OR3A3: variants seen among roughly 807,000 people sequenced by gnomAD.
OR3A3 encodes the protein olfactory receptor family 3 subfamily A member 3, also known as olfactory receptor 3A3.
For missense variants in OR3A3, 275 were observed against 391.4 expected, an observed-to-expected ratio of 0.70 and a Z score of 2.51; for synonymous variants, 103 against 163.9, an observed-to-expected ratio of 0.63 and a Z score of 2.84.
intron 2 of OR3A3, among the ~76,000 whole-genome samples, chr17:3,412,867 T>C (rs2640070): frequency 1.3e-5 from 2 of 152,286 alleles, no homozygotes; most frequent in African/African-American, 4.8e-5. Flanking sequence ...GCACCCTGCA[T>C]TTAACCTGTA....
At chr17:3,415,983 T>G (rs1439525151) in intron 2 of OR3A3, among the ~76,000 whole-genome samples, 1 of 151,852 alleles carries the variant, frequency 6.6e-6, no homozygotes, top group Admixed American at 6.6e-5. Flanking sequence ...GGCTAATTTT[T>G]GTATTTTTGA....
chr17:3,418,848 TA>T (rs1335865777), intron 2 of OR3A3, among the ~76,000 whole-genome samples: 13 of 152,322 alleles, frequency 8.5e-5, no homozygotes, highest in South Asian at 6.2e-4. Flanking sequence ...AAGACATTGA[TA>T]TTTTTTTGAT....
chr17:3,420,319 T>C (rs1420996990), intron 2 of OR3A3, among the ~76,000 whole-genome samples: 1 of 152,216 alleles, frequency 6.6e-6, no homozygotes, highest in East Asian at 1.9e-4. Flanking sequence ...TTATTAACTA[T>C]AATCCTCATG....
chr17:3,419,910 C>T (rs1009549114), intron 2 of OR3A3, among the ~76,000 whole-genome samples: 4 of 151,814 alleles, frequency 2.6e-5, no homozygotes, highest in East Asian at 1.9e-4. Context: ...GGACTACAGG[C>T]GCCTGCCACC....
chr17:3,414,523 G>A (rs543249218), intron 2 of OR3A3, among the ~76,000 whole-genome samples: 1 of 152,332 alleles, frequency 6.6e-6, no homozygotes, highest in African/African-American at 2.4e-5. Flanking sequence ...GGAAGGTAGT[G>A]TGAATTCTCC....
At chr17:3,420,779 T>C (rs1347610072) in exon 3 of OR3A3, 1 of 1,320,224 alleles carries the variant, frequency 7.6e-7, no homozygotes, top group East Asian at 2.5e-5. Flanking sequence ...ATGTACTTCT[T>C]CCTGGGGAAC....
At chr17:3,424,064 A>AT (rs1201141259) in exon 3 of OR3A3, 1 of 151,864 alleles carries the variant, frequency 6.6e-6, no homozygotes, top group Non-Finnish European at 1.5e-5. Flanking sequence ...CTGCTTTATG[A>AT]TTTTCCCTAC....
intron 2 of OR3A3, among the ~76,000 whole-genome samples, chr17:3,419,330 T>A (rs2072411677): frequency 6.6e-6 from 1 of 152,206 alleles, no homozygotes; most frequent in African/African-American, 2.4e-5. Flanking sequence ...GGCAACAGTT[T>A]CAATATTTTC....
intron 2 of OR3A3, among the ~76,000 whole-genome samples, chr17:3,417,453 T>A (rs2072399330): frequency 6.6e-6 from 1 of 152,168 alleles, no homozygotes; most frequent in South Asian, 2.1e-4. Context: ...TATTTTATTC[T>A]GAAACCACAA....
chr17:3,412,602 C>A (rs1217274211), intron 2 of OR3A3, among the ~76,000 whole-genome samples: 3 of 134,338 alleles, frequency 2.2e-5, no homozygotes, highest in African/African-American at 5.2e-5. Context: ...CCCTGTCAGA[C>A]CCTCTGGGTG....
chr17:3,416,675 C>CA (rs2072393984), intron 2 of OR3A3, among the ~76,000 whole-genome samples: 1 of 151,732 alleles, frequency 6.6e-6, no homozygotes, highest in Admixed American at 6.6e-5. Flanking sequence ...ACTTGGAGTT[C>CA]AGAAAAATAG....
rs576557538 is a variant in OR3A3, at chr17:3,417,361, G to A, written c.-6-3219G>A. Among the ~76,000 whole-genome samples, 3 of 152,202 alleles carry A rather than the reference G, an allele frequency of 2.0e-5. No individual in the cohort carries two copies. In the South Asian group the frequency reaches 6.2e-4, roughly 32 times the overall value. Reference sequence around the variant, plus strand: ...AATTGTAAGACAACTAAGGAAGTCAGCATACCTACACCATCTCTACATGTT... The same window carrying A: ...AATTGTAAGACAACTAAGGAAGTCAACATACCTACACCATCTCTACATGTT... On this transcript the variant is annotated intron_variant, in intron 2 of 2. Transcript: ENST00000641141.
exon 3 of OR3A3, chr17:3,421,510 G>T: frequency 2.0e-6 from 3 of 1,532,726 alleles, no homozygotes; most frequent in Non-Finnish European, 8.8e-7. Flanking sequence ...TCAGCTACTT[G>T]TGGGGAAGCG....
chr17:3,418,513 T>G (rs1421664474), intron 2 of OR3A3, among the ~76,000 whole-genome samples: 1 of 152,234 alleles, frequency 6.6e-6, no homozygotes, highest in Non-Finnish European at 1.5e-5. Flanking sequence ...CTGTCTCCTC[T>G]GCTTCTCAGA....
chr17:3,420,460 G>A (rs1360812868), intron 2 of OR3A3, 120 bp from the exon 3 acceptor site: 1 of 1,501,620 alleles, frequency 6.7e-7, no homozygotes, highest in Middle Eastern at 1.9e-4. Flanking sequence ...AGGCATTGAG[G>A]TGTTGGAGGA....
exon 3 of OR3A3, chr17:3,421,188 G>A (rs1215998472): frequency 6.2e-7 from 1 of 1,614,188 alleles, no homozygotes; most frequent in Non-Finnish European, 8.5e-7. Flanking sequence ...ATGAGCTGCT[G>A]CTCTTTGTAG....
At chr17:3,417,976 A>G (rs938754032) in intron 2 of OR3A3, among the ~76,000 whole-genome samples, 1 of 152,094 alleles carries the variant, frequency 6.6e-6, no homozygotes, top group Non-Finnish European at 1.5e-5. Flanking sequence ...TTGTTCCTCC[A>G]TGCTCATTTT....
exon 3 of OR3A3, chr17:3,422,651 C>T (rs1031902155): frequency 1.1e-4 from 16 of 152,278 alleles, no homozygotes; most frequent in African/African-American, 3.9e-4. Flanking sequence ...CCATTAATTC[C>T]TGATTCTCTC....
intron 2 of OR3A3, among the ~76,000 whole-genome samples, chr17:3,420,102 A>G (rs761447015): frequency 1.2e-4 from 19 of 152,082 alleles, no homozygotes; most frequent in Non-Finnish European, 2.5e-4. Context: ...TTCAAAAAGG[A>G]AGTCTTTTGC....
Sources: gnomAD v4.1 joint callset for allele counts (sites outside exome capture counted in the v4.1 genomes callset) on GRCh38, gnomAD v4.1.1 for gene constraint, MANE v1.5 for transcripts, NCBI Gene and HGNC (gene_info 2026-07-23, HGNC 2026-07-21) for gene names.